The following TRPS1 variants were observed in gnomAD, a reference collection of about 807,000 sequenced individuals.
The protein encoded by TRPS1 is transcriptional repressor GATA binding 1.
Under a neutral mutation model 101.2 loss-of-function variants are expected in TRPS1, and 6 were observed. The observed-to-expected ratio is 0.06, with a 90% CI of 0.03 to 0.12. The LOEUF (loss-of-function observed/expected upper bound fraction) is 0.12, where lower values mean the gene tolerates loss of function less well. Among genes scored for constraint, TRPS1 ranks in the 10% least tolerant of loss-of-function variants. The probability of loss-of-function intolerance (pLI) is 1.00; values close to 1 mark genes in which losing one functional copy is unlikely to be tolerated. For synonymous variants in TRPS1, 578 were observed against 589.8 expected (o/e 0.98, Z 0.29); for missense variants, 1,363 against 1,567.0 (o/e 0.87, Z 2.20).
At chr8:115,577,727 A>C (rs886311629) in intron 5 of TRPS1, among the ~76,000 whole-genome samples, 3 of 152,290 alleles carry the variant, frequency 2.0e-5, no homozygotes, top group Admixed American at 6.5e-5. Flanking sequence ...AAAAATACTT[A>C]ACGGAATCAA....
chr8:115,420,050 T>C (rs577165026), intron 5 of TRPS1, among the ~76,000 whole-genome samples: 1 of 152,322 alleles, frequency 6.6e-6, no homozygotes, highest in East Asian at 1.9e-4. Flanking sequence ...ATTGCCCTTT[T>C]AAACCAAGAA....
At chr8:115,651,975 G>A (rs533708143) in intron 1 of TRPS1, among the ~76,000 whole-genome samples, 24 of 152,288 alleles carry the variant, frequency 1.6e-4, no homozygotes, top group African/African-American at 5.1e-4. Context: ...GAGGCTGAAG[G>A]CCACTGATAT....
chr8:115,563,723 C>T (rs531265058), intron 5 of TRPS1, among the ~76,000 whole-genome samples: 2 of 152,202 alleles, frequency 1.3e-5, no homozygotes, highest in African/African-American at 4.8e-5. Flanking sequence ...CTTTACTGTA[C>T]TCACTTTAAG....
chr8:115,493,026 A>AT (rs1815066107), intron 5 of TRPS1, among the ~76,000 whole-genome samples: 1 of 151,810 alleles, frequency 6.6e-6, no homozygotes, highest in Non-Finnish European at 1.5e-5. Flanking sequence ...AGACAAAGGG[A>AT]TTTTTGATTA....
At chr8:115,467,631 T>C (rs149405286) in intron 5 of TRPS1, among the ~76,000 whole-genome samples, 1 of 152,162 alleles carries the variant, frequency 6.6e-6, no homozygotes, top group African/African-American at 2.4e-5. Context: ...GGAAATGACA[T>C]TAACAGACAT....
Position 115,413,788 on chromosome 8 carries a change from G to T in TRPS1, c.*235C>A. 1.9e-6 allele frequency: 1 copy of T among 526,324 alleles called. No individual in the cohort carries two copies. Among genetic ancestry groups the T allele is most frequent in the East Asian group, 3.4e-5 (1 of 29,486 alleles). 32.6% of individuals were successfully genotyped at this position (526,324 alleles called of 1,614,324 possible). The stretch of plus-strand genomic sequence containing the variant: ...AGCCAAGATGGTTTTGACTTAACAG[G>T]TTTTAAAAAGTGATTGTTTACCATC... On this transcript the variant is annotated 3_prime_UTR_variant, in exon 7 of 7. Transcript: ENST00000395715.
Position 115,528,505 on chromosome 8 carries a change from C to T in TRPS1, c.2700+58496G>A, listed in dbSNP as rs148659895. Among the ~76,000 whole-genome samples the T allele has an allele frequency of 3.9e-3, 594 of 152,046 alleles. 4 individuals are homozygous for T. The highest frequency in any genetic ancestry group is 0.014 in the African/African-American group (564 of 41,536). On this transcript the variant is annotated intron_variant, in intron 5 of 6. Transcript: ENST00000395715. The stretch of plus-strand genomic sequence containing the variant: ...AGGAAGCCACATTTTTATTTAAATA[C>T]GATTTTAAAAGATTTCAAACACACC...
chr8:115,658,251 C>T (rs575336923), intron 1 of TRPS1, among the ~76,000 whole-genome samples: 1 of 152,204 alleles, frequency 6.6e-6, no homozygotes, highest in South Asian at 2.1e-4. Context: ...CCTTCCACTC[C>T]TGAAGGAAAA....
intron 5 of TRPS1, among the ~76,000 whole-genome samples, chr8:115,437,057 T>C (rs1432058115): frequency 2.6e-5 from 4 of 152,164 alleles, no homozygotes; most frequent in Non-Finnish European, 4.4e-5. Flanking sequence ...TGACCACATT[T>C]GAGTAGTCCA....
At chr8:115,451,778 C>G (rs1009650030) in intron 5 of TRPS1, among the ~76,000 whole-genome samples, 1 of 152,134 alleles carries the variant, frequency 6.6e-6, no homozygotes, top group African/African-American at 2.4e-5. Flanking sequence ...GATGTATAGG[C>G]AATGAGCCTC....
intron 5 of TRPS1, among the ~76,000 whole-genome samples, chr8:115,575,174 C>T (rs1160773405): frequency 6.6e-6 from 1 of 151,914 alleles, no homozygotes; most frequent in Non-Finnish European, 1.5e-5. Flanking sequence ...AAAAGTGGCA[C>T]TATTGATAAT....
At position 115,563,361 on chromosome 8, in the gene TRPS1, C is replaced by G. The variant is rs1816992833; in HGVS notation, c.2700+23640G>C. On this transcript the variant is annotated intron_variant, in intron 5 of 6. Coordinates refer to ENST00000395715, the MANE Select transcript of TRPS1 (RefSeq NM_014112.5). ...TGGTCCAGCAGGATTTCTCACACAC[C>G]CTGCACAAAAGGCTAACCCCTTACA... is the stretch of plus-strand genomic sequence containing the variant. Among the ~76,000 whole-genome samples the G allele has an allele frequency of 2.0e-5, 3 of 151,962 alleles. No individual in the cohort carries two copies. The South Asian group carries it at 6.2e-4, about 32-fold the overall frequency.
intron 5 of TRPS1, among the ~76,000 whole-genome samples, chr8:115,446,972 C>G (rs1813752782): frequency 6.6e-6 from 1 of 152,044 alleles, no homozygotes; most frequent in African/African-American, 2.4e-5. Flanking sequence ...CATATGCCAC[C>G]CTCATCAGAA....
chr8:115,508,992 G>A (rs1815513456), intron 5 of TRPS1, among the ~76,000 whole-genome samples: 1 of 151,728 alleles, frequency 6.6e-6, no homozygotes, highest in Non-Finnish European at 1.5e-5. Context: ...AGCATTTGGG[G>A]CTTTCCTTCT....
chr8:115,642,237 G>GA (rs368752976), intron 1 of TRPS1, among the ~76,000 whole-genome samples: 116,712 of 134,214 alleles, frequency 0.87, 49,673 homozygotes, highest in Non-Finnish European at 0.94. Context: ...AAAAAGAAAA[G>GA]AAACCTGTGT....
At chr8:115,603,776 A>T in intron 4 of TRPS1, 97 bp downstream of exon 4, 1 of 1,416,132 alleles carries the variant, frequency 7.1e-7, no homozygotes, top group Non-Finnish European at 9.7e-7. Flanking sequence ...AAGTCATTGG[A>T]ATCACTCTCA....
intron 6 of TRPS1, among the ~76,000 whole-genome samples, chr8:115,417,588 C>A (rs754048308): frequency 3.9e-5 from 6 of 152,066 alleles, no homozygotes; most frequent in Non-Finnish European, 8.8e-5. Context: ...TAAGTCAAAT[C>A]CATATTCAGA....
intron 5 of TRPS1, among the ~76,000 whole-genome samples, chr8:115,451,032 C>A (rs779152798): frequency 9.3e-4 from 141 of 152,284 alleles, no homozygotes; most frequent in Non-Finnish European, 1.8e-3. Context: ...TCCTAGCATT[C>A]GGCAAATTCT....
At chr8:115,656,886 A>C (rs1345033911) in intron 1 of TRPS1, among the ~76,000 whole-genome samples, 3 of 152,136 alleles carry the variant, frequency 2.0e-5, no homozygotes. Context: ...GAAAAGATAA[A>C]GTACTTCCTC....
Sources: gnomAD v4.1 joint callset for allele counts (sites outside exome capture counted in the v4.1 genomes callset) on GRCh38, gnomAD v4.1.1 for gene constraint, MANE v1.5 for transcripts, NCBI Gene and HGNC (gene_info 2026-07-23, HGNC 2026-07-21) for gene names.